The following PPP2CB variants were observed in gnomAD, a reference collection of about 807,000 sequenced individuals.
The protein encoded by PPP2CB is serine/threonine-protein phosphatase 2A catalytic subunit beta isoform.
A neutral mutation model predicts 39.1 loss-of-function variants in PPP2CB; 18 were observed. That is an observed-to-expected ratio of 0.46 (90% confidence interval 0.32 to 0.68). PPP2CB has a LOEUF of 0.68. Ranked by LOEUF, PPP2CB falls within the 30% of genes least tolerant of loss-of-function variation. The probability of loss-of-function intolerance (pLI) is 0.04; values close to 1 mark genes in which losing one functional copy is unlikely to be tolerated. For missense variants in PPP2CB, 226 were observed against 396.9 expected (o/e 0.57, Z 3.66); for synonymous variants, 129 against 133.8 (o/e 0.96, Z 0.25).
intron 2 of PPP2CB, 116 bp from the exon 3 acceptor site, chr8:30,797,870 A>G: frequency 1.0e-6 from 1 of 982,600 alleles, no homozygotes; most frequent in South Asian, 1.7e-5. Flanking sequence ...AGTATATTAA[A>G]TGTTAATTTC....
At position 30,812,320 on chromosome 8, in the gene PPP2CB, C is replaced by T. The variant is rs1318091445; in HGVS notation, c.102G>A (p.Lys34=). The T allele has an allele frequency of 3.3e-6, 5 of 1,528,224 alleles. No individual in the cohort carries two copies. Among genetic ancestry groups the T allele is most frequent in the Non-Finnish European group, 4.4e-6 (5 of 1,134,032 alleles). 94.7% of individuals were successfully genotyped at this position (1,528,224 alleles called of 1,614,324 possible). A position where few individuals can be genotyped will look rare whatever the true frequency, so the allele number is the denominator to read the frequency against. ...NENQVRTLCE[K]AKEILTKESN... is the part of the protein sequence containing the mutation. The stretch of plus-strand genomic sequence containing the variant: ...GCACTCGCCCCCGCGGCGCCCTCAC[C>T]TTCTCGCACAGCGTCCGCACTTGGT... Residue 34 remains lysine (K), a splice_region_variant and synonymous_variant, in exon 1 of 7, where the codon AAG becomes AAA. Coordinates refer to ENST00000221138, the MANE Select transcript of PPP2CB (RefSeq NM_001009552.2).
At position 30,812,333 on chromosome 8, in the gene PPP2CB, G is replaced by A. The variant is rs1806850592; in HGVS notation, c.89C>T (p.Thr30Met). Residue 30 changes from threonine (T) to methionine (M), a missense_variant, in exon 1 of 7, where the codon ACG becomes ATG. Coordinates refer to ENST00000221138, the MANE Select transcript of PPP2CB (RefSeq NM_001009552.2). ...CKQLNENQVR[T>M]LCEKAKEILT... is the part of the protein sequence containing the mutation. ...CGGCGCCCTCACCTTCTCGCACAGC[G>A]TCCGCACTTGGTTCTCGTTCAGCTG... 3 of 1,541,204 alleles carry A rather than the reference G, an allele frequency of 1.9e-6. No homozygotes were observed. The highest frequency in any genetic ancestry group is 1.8e-4 in the Middle Eastern group (1 of 5,574).
At chr8:30,797,776 C>T in intron 2 of PPP2CB, 22 bp from the exon 3 acceptor site, 1 of 1,605,312 alleles carries the variant, frequency 6.2e-7, no homozygotes. Context: ...GGAGTAAAAC[C>T]CATAGTAAAA....
Position 30,812,580 on chromosome 8 carries a change from G to A in PPP2CB, c.-159C>T, listed in dbSNP as rs931931489. 1.1e-5 allele frequency: 4 copies of A among 375,310 alleles called. No homozygotes were observed. The highest frequency in any genetic ancestry group is 1.8e-5 in the Non-Finnish European group (4 of 223,538). 23.2% of individuals were successfully genotyped at this position (375,310 alleles called of 1,614,324 possible). On this transcript the variant is annotated 5_prime_UTR_variant, in exon 1 of 7. Coordinates refer to ENST00000221138, the MANE Select transcript of PPP2CB (RefSeq NM_001009552.2). ...GGACTGAGCCGGGTAGGGCGGCCGC[G>A]GGCCCCGCGCCCCGCCCAAGCCCAG...
chr8:30,794,152 T>C, intron 4 of PPP2CB, 40 bp downstream of exon 4: 1 of 1,608,452 alleles, frequency 6.2e-7, no homozygotes, highest in Non-Finnish European at 8.5e-7. Context: ...TGTGGTTATA[T>C]TTTCTTTTCC....
intron 1 of PPP2CB, among the ~76,000 whole-genome samples, chr8:30,807,207 T>C (rs1806740008): frequency 6.6e-6 from 1 of 152,226 alleles, no homozygotes; most frequent in African/African-American, 2.4e-5. Context: ...CTGGCACTAA[T>C]TTTTGTTCGA....
chr8:30,789,092 G>A (rs1192369243), intron 6 of PPP2CB, among the ~76,000 whole-genome samples: 2 of 148,868 alleles, frequency 1.3e-5, no homozygotes, highest in African/African-American at 2.5e-5. Context: ...TGCCCAGGCT[G>A]GACTGCAATG....
rs542172392 is a variant in PPP2CB at position 30,807,585 on chromosome 8, C to T, written c.102+4735G>A. 4.6e-5 allele frequency among the ~76,000 whole-genome samples: 7 copies of T among 152,348 alleles called. No homozygotes were observed. In the East Asian group the frequency reaches 1.2e-3, roughly 25 times the overall value. ...TCATCAGAATAAAGATCTGCCAGCACACACATTGGCTGAATTTCCCTCCCC... is the reference window on the plus strand; with the variant it reads ...TCATCAGAATAAAGATCTGCCAGCATACACATTGGCTGAATTTCCCTCCCC... On this transcript the variant is annotated intron_variant, in intron 1 of 6. Transcript: ENST00000221138.
chr8:30,792,581 C>A (rs1021880540), intron 5 of PPP2CB, among the ~76,000 whole-genome samples: 1 of 150,434 alleles, frequency 6.6e-6, no homozygotes, highest in East Asian at 2.0e-4. Context: ...GTAGCTGGGA[C>A]AATAGACATA....
chr8:30,808,618 G>A (rs1037301878), intron 1 of PPP2CB, among the ~76,000 whole-genome samples: 9 of 151,944 alleles, frequency 5.9e-5, no homozygotes, highest in African/African-American at 2.2e-4. Context: ...TGCTACTCTT[G>A]CCCTAGAAAG....
chr8:30,804,632 G>C (rs1230638329), intron 1 of PPP2CB, among the ~76,000 whole-genome samples: 1 of 152,152 alleles, frequency 6.6e-6, no homozygotes, highest in African/African-American at 2.4e-5. Flanking sequence ...ACCTAAGAGT[G>C]GTTTTCGGAA....
intron 1 of PPP2CB, among the ~76,000 whole-genome samples, chr8:30,808,654 G>A (rs1452805295): frequency 6.6e-6 from 1 of 152,130 alleles, no homozygotes; most frequent in East Asian, 1.9e-4. Flanking sequence ...AGTAGACCAA[G>A]TCAGGAGTAA....
At chr8:30,797,860 A>G (rs943386761) in intron 2 of PPP2CB, 106 bp from the exon 3 acceptor site, 1 of 1,068,384 alleles carries the variant, frequency 9.4e-7, no homozygotes, top group Non-Finnish European at 1.3e-6. Context: ...TTTGGCCACC[A>G]GTATATTAAA....
chr8:30,792,048 A>G (rs1202677212), intron 5 of PPP2CB, among the ~76,000 whole-genome samples: 1 of 150,636 alleles, frequency 6.6e-6, no homozygotes, highest in Non-Finnish European at 1.5e-5. Context: ...ATATACATAC[A>G]TTAGTGTATG....
chr8:30,804,764 T>C lies in PPP2CB; in HGVS notation c.103-5009A>G, dbSNP rs139737998. ...TCTGAAGGTACATCATGACTAAACT[T>C]TTGAAGATGGTGTCAGAGGTGAGAA... On this transcript the variant is annotated intron_variant, in intron 1 of 6. Transcript: ENST00000221138. Among the ~76,000 whole-genome samples the C allele has an allele frequency of 1.8e-3, 279 of 152,278 alleles. 1 individual carries two copies. The highest frequency in any genetic ancestry group is 5.8e-3 in the African/African-American group (243 of 41,562).
At position 30,812,416 on chromosome 8, in the gene PPP2CB, G is replaced by A. The variant is rs778916957; in HGVS notation, c.6C>T (p.Asp2=). 1.6e-5 allele frequency: 25 copies of A among 1,532,016 alleles called. No individual in the cohort carries two copies. The highest frequency in any genetic ancestry group is 1.4e-5 in the African/African-American group (1 of 70,442). 94.9% of individuals were successfully genotyped at this position (1,532,016 alleles called of 1,614,324 possible). ...CCAGCTCCTTGGTGAACGCCTTGTCGTCCATGGCGGCCCGATCCCGATGCG... is the reference window on the plus strand; with the variant it reads ...CCAGCTCCTTGGTGAACGCCTTGTCATCCATGGCGGCCCGATCCCGATGCG... The part of the protein sequence containing the change: M[D]DKAFTKELDQ... Residue 2 remains aspartate (D), a synonymous_variant, in exon 1 of 7, where the codon GAC becomes GAT. Coordinates refer to ENST00000221138, the MANE Select transcript of PPP2CB (RefSeq NM_001009552.2).
intron 6 of PPP2CB, among the ~76,000 whole-genome samples, chr8:30,788,607 T>A (rs1026592836): frequency 2.0e-5 from 3 of 152,230 alleles, no homozygotes; most frequent in African/African-American, 7.2e-5. Context: ...TTTAAGAATC[T>A]AATCTTCTTA....
intron 6 of PPP2CB, among the ~76,000 whole-genome samples, chr8:30,788,657 T>C (rs1199563884): frequency 1.3e-5 from 2 of 152,256 alleles, no homozygotes; most frequent in Non-Finnish European, 2.9e-5. Flanking sequence ...CATATGACTA[T>C]GTTTCATGTT....
At chr8:30,798,416 G>A (rs1806560265) in intron 2 of PPP2CB, among the ~76,000 whole-genome samples, 1 of 152,200 alleles carries the variant, frequency 6.6e-6, no homozygotes, top group Non-Finnish European at 1.5e-5. Context: ...CTAAGCATCC[G>A]TTATGTGTCT....
Sources: allele counts gnomAD v4.1 joint callset (sites outside exome capture counted in the v4.1 genomes callset), GRCh38; gene constraint gnomAD v4.1.1; transcripts MANE v1.5; gene names NCBI Gene and HGNC (gene_info 2026-07-23, HGNC 2026-07-21).